DNAJC13: variants seen among roughly 807,000 people sequenced by gnomAD.
The protein encoded by DNAJC13 is DnaJ heat shock protein family (Hsp40) member C13.
DNAJC13 carries 75 observed loss-of-function variants against 290.5 expected under a neutral mutation model. That is an observed-to-expected ratio of 0.26 (90% confidence interval 0.21 to 0.31). The LOEUF is 0.31. Among genes scored for constraint, DNAJC13 ranks in the 10% least tolerant of loss-of-function variants. DNAJC13 has a pLI of 1.00. For missense variants in DNAJC13, 2,260 were observed against 2,674.5 expected (o/e 0.85, Z 3.42); for synonymous variants, 862 against 892.0 (o/e 0.97, Z 0.60).
At position 132,447,334 on chromosome 3, in the gene DNAJC13, A is replaced by G; in HGVS notation, c.158A>G (p.Asp53Gly). Residue 53 changes from aspartate to glycine, a missense_variant, in exon 4 of 56, where the codon GAC becomes GGC. Physicochemically the swap from Asp to Gly is moderately conservative, Grantham distance 94. Transcript: ENST00000260818. ...TTTTTTTTTAAGTGGCCTTATGGAG[A>G]CATTTGCAGCATCAGCCCTGTTGGA... is the stretch of plus-strand genomic sequence containing the variant. ...LEVTNQWPYG[D>G]ICSISPVGKG... is the part of the protein sequence containing the mutation. 6.4e-7 allele frequency: 1 copy of G among 1,572,076 alleles called. No homozygotes were observed. Among genetic ancestry groups the G allele is most frequent in the Non-Finnish European group, 8.6e-7 (1 of 1,166,162 alleles).
intron 1 of DNAJC13, among the ~76,000 whole-genome samples, chr3:132,421,717 G>A (rs186052590): frequency 2.6e-5 from 4 of 152,152 alleles, no homozygotes; most frequent in Admixed American, 2.6e-4. Context: ...TGGGATTACA[G>A]GTGTGAGCCA....
rs151222440 is a variant in DNAJC13, at chr3:132,428,798, C to A, written c.-13-5740C>A. ...CAGCCCGGATGGAGCGCAGTGGTGC[C>A]ATCTCGGCTCACTGCAACCTCTGCC... On this transcript the variant is annotated intron_variant, in intron 1 of 55. Coordinates refer to ENST00000260818, the MANE Select transcript of DNAJC13 (RefSeq NM_015268.4). Among the ~76,000 whole-genome samples, 91 of 152,302 alleles carry A rather than the reference C, an allele frequency of 6.0e-4. 1 individual carries two copies. The East Asian group carries it at 0.013, about 22-fold the overall frequency.
chr3:132,529,188 A>G (rs1412423955), intron 54 of DNAJC13, among the ~76,000 whole-genome samples: 2 of 152,154 alleles, frequency 1.3e-5, no homozygotes, highest in Non-Finnish European at 2.9e-5. Context: ...TATTTCATAT[A>G]AATATAATCA....
rs866010871 is a variant in DNAJC13 at position 132,449,827 on chromosome 3, G to A, written c.337-820G>A. 4.6e-5 allele frequency among the ~76,000 whole-genome samples: 7 copies of A among 152,068 alleles called. No individual in the cohort carries two copies. The South Asian group carries it at 1.5e-3, about 32-fold the overall frequency. Reference sequence around the variant, plus strand: ...GGTAGAAAACTGCGGTGTTTGGGTGGGGGAGAGGATACTCATTTCACATCT... The same window carrying A: ...GGTAGAAAACTGCGGTGTTTGGGTGAGGGAGAGGATACTCATTTCACATCT... On this transcript the variant is annotated intron_variant, in intron 5 of 55. Transcript: ENST00000260818.
At chr3:132,525,584 G>T in intron 51 of DNAJC13, 26 bp from the exon 52 acceptor site, 1 of 1,609,146 alleles carries the variant, frequency 6.2e-7, no homozygotes, top group South Asian at 1.1e-5. Flanking sequence ...TTTTATAGTT[G>T]ATTTATTTTT....
intron 2 of DNAJC13, among the ~76,000 whole-genome samples, chr3:132,442,677 A>G (rs1933109906): frequency 1.3e-5 from 2 of 152,170 alleles, no homozygotes; most frequent in Admixed American, 1.3e-4. Flanking sequence ...CATTATACCT[A>G]ATGGTAACAT....
chr3:132,430,810 C>T (rs1049877945), intron 1 of DNAJC13, among the ~76,000 whole-genome samples: 9 of 152,266 alleles, frequency 5.9e-5, no homozygotes, highest in Admixed American at 5.9e-4. Flanking sequence ...ATTCAGAAGG[C>T]AGGGATAATT....
At chr3:132,477,696 G>C (rs1419919866) in intron 22 of DNAJC13, 93 bp from the exon 23 acceptor site, 1 of 878,324 alleles carries the variant, frequency 1.1e-6, no homozygotes, top group East Asian at 2.5e-5. Flanking sequence ...TAAGAAATAA[G>C]TTTTGAACAG....
intron 36 of DNAJC13, among the ~76,000 whole-genome samples, chr3:132,497,437 C>T (rs942117391): frequency 2.6e-5 from 4 of 152,060 alleles, no homozygotes; most frequent in Non-Finnish European, 4.4e-5. Flanking sequence ...AGAGGACTTT[C>T]AGGATTTGAG....
intron 28 of DNAJC13, among the ~76,000 whole-genome samples, chr3:132,483,959 C>A (rs1267112318): frequency 6.6e-6 from 1 of 152,170 alleles, no homozygotes; most frequent in Non-Finnish European, 1.5e-5. Context: ...CCACGTCTTG[C>A]CCCACTTGAC....
At chr3:132,422,111 GCC>G (rs1414630235) in intron 1 of DNAJC13, among the ~76,000 whole-genome samples, 4 of 151,180 alleles carry the variant, frequency 2.6e-5, no homozygotes, top group Non-Finnish European at 4.4e-5. Flanking sequence ...GCTCACTGTA[GCC>G]CTGATCTCCT....
intron 31 of DNAJC13, among the ~76,000 whole-genome samples, chr3:132,489,674 G>C (rs1287142634): frequency 6.6e-6 from 1 of 151,842 alleles, no homozygotes; most frequent in African/African-American, 2.4e-5. Context: ...GACCACTGTT[G>C]AGAAGACTAA....
rs1352010584 is a variant in DNAJC13, at chr3:132,538,305, C to T, written c.*23C>T. On this transcript the variant is annotated 3_prime_UTR_variant, in exon 56 of 56. Coordinates refer to ENST00000260818, the MANE Select transcript of DNAJC13 (RefSeq NM_015268.4). ...TGAAATATTCACGAGAGACAATAAA[C>T]GCTGAAAGGCCAGTGCCAAGTCCAC... 6.9e-6 allele frequency: 11 copies of T among 1,592,578 alleles called. No individual in the cohort carries two copies. The highest frequency in any genetic ancestry group is 4.5e-5 in the East Asian group (2 of 44,656).
intron 37 of DNAJC13, 122 bp from the exon 38 acceptor site, chr3:132,499,612 T>G (rs1935347440): frequency 1.1e-6 from 1 of 894,164 alleles, no homozygotes; most frequent in Non-Finnish European, 1.7e-6. Flanking sequence ...CAAATGTTGA[T>G]CAAACATTTA....
intron 20 of DNAJC13, among the ~76,000 whole-genome samples, chr3:132,470,771 G>T (rs1934197178): frequency 2.4e-5 from 3 of 124,108 alleles, no homozygotes; most frequent in Admixed American, 2.2e-4. Context: ...CTCCCAGACG[G>T]GGCGGCTGGC....
At position 132,516,495 on chromosome 3, in the gene DNAJC13, G is replaced by A; in HGVS notation, c.5559G>A (p.Lys1853=). ...AAATAATCAAAGAAGCAATGGCAAA[G>A]GGTAATGTATAGAGTGCTTTCTTAG... ...STKIIKEAMA[K]GALIYLLDMF... The change falls in exon 47 of 56, where the codon AAG becomes AAA. Residue 1853 remains lysine, a splice_region_variant and synonymous_variant. Transcript: ENST00000260818. 6.2e-7 allele frequency: 1 copy of A among 1,613,722 alleles called. No individual in the cohort carries two copies. The highest frequency in any genetic ancestry group is 1.3e-5 in the African/African-American group (1 of 75,024).
At chr3:132,514,905 G>GATAT in intron 46 of DNAJC13, 1 of 123,176 alleles carries the variant, frequency 8.1e-6, no homozygotes. Context: ...AAAATAACCT[G>GATAT]GGATTTTCAG....
intron 53 of DNAJC13, among the ~76,000 whole-genome samples, chr3:132,526,511 C>G (rs1051010311): frequency 2.0e-5 from 3 of 152,070 alleles, no homozygotes; most frequent in African/African-American, 4.8e-5. Flanking sequence ...TATATATACA[C>G]ACACACAAAA....
chr3:132,484,751 T>C lies in DNAJC13; in HGVS notation c.3267+79T>C, dbSNP rs80196896. The C allele has an allele frequency of 6.2e-3, 8,222 of 1,322,030 alleles. 363 individuals are homozygous for C. In the African/African-American group the frequency reaches 0.1, roughly 16 times the overall value. The allele number at this position is 1,322,030 out of a possible 1,614,324, so 81.9% of individuals were successfully genotyped here. A position where few individuals can be genotyped will look rare whatever the true frequency, so the allele number is the denominator to read the frequency against. ...TTATTATCAGTACCAGTCTTTGTTT[T>C]GTTGCAGTCTATTCCATTTTCAAAA... is the stretch of plus-strand genomic sequence containing the variant. On this transcript the variant is annotated intron_variant, in intron 29 of 55. Transcript: ENST00000260818.
Sources: allele counts gnomAD v4.1 joint callset (sites outside exome capture counted in the v4.1 genomes callset), GRCh38; gene constraint gnomAD v4.1.1; transcripts MANE v1.5; gene names NCBI Gene and HGNC (gene_info 2026-07-23, HGNC 2026-07-21).